Variants in SGCZ observed in about 807,000 individuals in gnomAD.
SGCZ encodes sarcoglycan zeta, also known as zeta-sarcoglycan.
In SGCZ, 40 loss-of-function variants were observed where a neutral mutation model predicts 41.3. The ratio of observed to expected loss-of-function variants is 0.97; its 90% CI spans 0.75 to 1.26. SGCZ has a LOEUF of 1.26. Among genes scored for constraint, SGCZ ranks in the 50% most tolerant of loss-of-function variants. The pLI is 0.00. For missense variants in SGCZ, 552 were observed against 369.8 expected, an observed-to-expected ratio of 1.49 and a Z score of -4.04; for synonymous variants, 206 against 137.5, an observed-to-expected ratio of 1.50 and a Z score of -3.49.
intron 1 of SGCZ, among the ~76,000 whole-genome samples, chr8:15,042,463 AAGTAAT>A (rs1804140221): frequency 6.6e-6 from 1 of 152,198 alleles, no homozygotes; most frequent in African/African-American, 2.4e-5. Flanking sequence ...CTGTGCCACA[AAGTAAT>A]TCATTTCTGA....
intron 1 of SGCZ, among the ~76,000 whole-genome samples, chr8:15,069,673 A>G (rs893875452): frequency 1.3e-5 from 2 of 152,208 alleles, no homozygotes; most frequent in African/African-American, 4.8e-5. Context: ...CTTTATTCCA[A>G]ACTTACAGTC....
At position 14,969,095 on chromosome 8, in the gene SGCZ, C is replaced by A. The variant is rs1801211906; in HGVS notation, c.39+268490G>T. Among the ~76,000 whole-genome samples the A allele has an allele frequency of 2.0e-5, 3 of 152,046 alleles. No homozygotes were observed. In the South Asian group the frequency reaches 6.2e-4, roughly 31 times the overall value. ...GTAAAGCTATTGAGAAACTATGACCCAATTAACACCGCACTCTCATATCCA... is the reference window on the plus strand; with the variant it reads ...GTAAAGCTATTGAGAAACTATGACCAAATTAACACCGCACTCTCATATCCA... On this transcript the variant is annotated intron_variant, in intron 1 of 7. Coordinates refer to ENST00000382080, the MANE Select transcript of SGCZ (RefSeq NM_139167.4).
In SGCZ at chr8:14,119,574, G is replaced by T. The variant is rs973542539; in HGVS notation, c.548-11339C>A. On this transcript the variant is annotated intron_variant, in intron 5 of 7. Coordinates refer to ENST00000382080, the MANE Select transcript of SGCZ (RefSeq NM_139167.4). Reference sequence around the variant, plus strand: ...TTCTTTCTTGTGTTCTGATTATCCAGGCCAGAACTTCCAATACTATGTTGA... The same window carrying T: ...TTCTTTCTTGTGTTCTGATTATCCATGCCAGAACTTCCAATACTATGTTGA... 2.7e-4 allele frequency among the ~76,000 whole-genome samples: 41 copies of T among 152,082 alleles called. 1 individual carries two copies. Among genetic ancestry groups the T allele is most frequent in the African/African-American group, 9.2e-4 (38 of 41,494 alleles).
rs756978308 is a variant in SGCZ at position 14,090,546 on chromosome 8, G to C, written c.836C>G (p.Thr279Arg). The change falls in exon 8 of 8, where the codon ACA becomes AGA. Residue 279 changes from threonine (T) to arginine (R), a missense_variant. Transcript: ENST00000382080. ...GGGGCAGACGCAGAGTTCATACACT[G>C]TCTGTCGAGAACTTGAGGAGCTGGG... ...SSPSSSSSRQ[T>R]VYELCVCPNG... The C allele has an allele frequency of 6.8e-6, 11 of 1,613,118 alleles. No individual in the cohort carries two copies. Among genetic ancestry groups the C allele is most frequent in the Non-Finnish European group, 9.3e-6 (11 of 1,179,428 alleles).
chr8:14,414,901 A>G (rs1799454340), intron 2 of SGCZ, among the ~76,000 whole-genome samples: 1 of 151,990 alleles, frequency 6.6e-6, no homozygotes, highest in Non-Finnish European at 1.5e-5. Context: ...CTTTGAAATT[A>G]TTGTTGCTAG....
intron 5 of SGCZ, among the ~76,000 whole-genome samples, chr8:14,113,701 G>A (rs1313985498): frequency 6.6e-6 from 1 of 151,996 alleles, no homozygotes; most frequent in Non-Finnish European, 1.5e-5. Context: ...TTCTGCTCAT[G>A]ATTCCTCCAT....
intron 1 of SGCZ, among the ~76,000 whole-genome samples, chr8:15,007,025 T>A (rs977944938): frequency 2.6e-5 from 4 of 152,228 alleles, no homozygotes; most frequent in Non-Finnish European, 5.9e-5. Context: ...GGGTAGTGTG[T>A]TAAGTTAGTA....
chr8:14,372,126 G>T (rs990544049), intron 2 of SGCZ, among the ~76,000 whole-genome samples: 7 of 152,038 alleles, frequency 4.6e-5, no homozygotes, highest in Non-Finnish European at 1.0e-4. Context: ...CAATAAGAAA[G>T]GAAATAAGAT....
At chr8:15,013,470 G>A (rs935320746) in intron 1 of SGCZ, among the ~76,000 whole-genome samples, 32 of 152,140 alleles carry the variant, frequency 2.1e-4, no homozygotes, top group Admixed American at 1.6e-3. Context: ...TCAAAGGCAC[G>A]TGAAATCACT....
intron 7 of SGCZ, among the ~76,000 whole-genome samples, chr8:14,099,934 C>T (rs992485450): frequency 6.6e-6 from 1 of 151,910 alleles, no homozygotes; most frequent in East Asian, 1.9e-4. Context: ...CAATTTCATT[C>T]TTCTACATTT....
chr8:14,870,270 TC>T (rs1342935384), intron 1 of SGCZ, among the ~76,000 whole-genome samples: 1 of 151,956 alleles, frequency 6.6e-6, no homozygotes, highest in Non-Finnish European at 1.5e-5. Context: ...ATACCACACA[TC>T]TACAACCATT....
At chr8:14,985,549 T>C (rs1435681909) in intron 1 of SGCZ, among the ~76,000 whole-genome samples, 3 of 152,140 alleles carry the variant, frequency 2.0e-5, no homozygotes, top group Non-Finnish European at 4.4e-5. Context: ...TGAATTAGAA[T>C]TCAAAGTAAA....
intron 1 of SGCZ, among the ~76,000 whole-genome samples, chr8:14,830,754 T>G (rs1802498853): frequency 6.6e-6 from 1 of 152,188 alleles, no homozygotes; most frequent in East Asian, 1.9e-4. Context: ...CAATAACATT[T>G]AGAATCAATA....
At chr8:14,481,208 G>A (rs1025301472) in intron 2 of SGCZ, among the ~76,000 whole-genome samples, 2 of 152,060 alleles carry the variant, frequency 1.3e-5, no homozygotes, top group African/African-American at 4.8e-5. Context: ...GCTTAATTTT[G>A]GTAACCAGGG....
At chr8:14,248,217 G>A (rs1214541900) in intron 3 of SGCZ, among the ~76,000 whole-genome samples, 1 of 152,154 alleles carries the variant, frequency 6.6e-6, no homozygotes, top group East Asian at 1.9e-4. Flanking sequence ...CTAATAGAAT[G>A]ATAGTTCATT....
At chr8:14,630,872 G>T (rs1806625665) in intron 1 of SGCZ, among the ~76,000 whole-genome samples, 1 of 122,198 alleles carries the variant, frequency 8.2e-6, no homozygotes, top group Non-Finnish European at 1.7e-5. Context: ...GGCCTGTTGT[G>T]GGGTGGGGGG....
intron 1 of SGCZ, among the ~76,000 whole-genome samples, chr8:15,150,801 A>C (rs1799157350): frequency 6.6e-6 from 1 of 152,212 alleles, no homozygotes; most frequent in South Asian, 2.1e-4. Flanking sequence ...CTTTGATTTA[A>C]GCTAAGGCTG....
chr8:14,410,930 G>A (rs889677189), intron 2 of SGCZ, among the ~76,000 whole-genome samples: 13 of 152,122 alleles, frequency 8.5e-5, no homozygotes, highest in African/African-American at 2.9e-4. Context: ...ACTAAACAAT[G>A]GTGATAAATT....
intron 1 of SGCZ, among the ~76,000 whole-genome samples, chr8:14,913,588 G>A (rs1051238697): frequency 2.6e-5 from 4 of 151,878 alleles, no homozygotes; most frequent in South Asian, 2.1e-4. Context: ...GGTCTGTAAC[G>A]GATTAGTGTT....
Sources: allele counts gnomAD v4.1 joint callset (sites outside exome capture counted in the v4.1 genomes callset), GRCh38; gene constraint gnomAD v4.1.1; transcripts MANE v1.5; gene names NCBI Gene and HGNC (gene_info 2026-07-23, HGNC 2026-07-21).